Variants in EPB41L2 observed in about 807,000 individuals in gnomAD.
EPB41L2 encodes band 4.1-like protein 2.
A neutral mutation model predicts 113.0 loss-of-function variants in EPB41L2; 43 were observed. The observed-to-expected ratio is 0.38, with a 90% CI of 0.30 to 0.49. EPB41L2 has a LOEUF of 0.49. EPB41L2 is among the 20% of genes least tolerant of loss of function. The pLI is 0.95. For synonymous variants in EPB41L2, 442 were observed against 436.7 expected, an observed-to-expected ratio of 1.01 and a Z score of -0.15; for missense variants, 1,147 against 1,223.4, an observed-to-expected ratio of 0.94 and a Z score of 0.93.
chr6:130,948,309 G>A (rs918411596), intron 3 of EPB41L2, among the ~76,000 whole-genome samples: 7 of 152,084 alleles, frequency 4.6e-5, no homozygotes, highest in African/African-American at 1.2e-4. Context: ...TTCCCTACAG[G>A]TAGTAGATCA....
chr6:130,952,420 C>T (rs549171490), intron 3 of EPB41L2, among the ~76,000 whole-genome samples: 186 of 150,966 alleles, frequency 1.2e-3, no homozygotes, highest in Non-Finnish European at 2.1e-3. Flanking sequence ...CTAGTTTAGT[C>T]AAAGAAATAC....
At chr6:130,944,755 G>A (rs1223471639) in intron 3 of EPB41L2, among the ~76,000 whole-genome samples, 1 of 152,144 alleles carries the variant, frequency 6.6e-6, no homozygotes, top group African/African-American at 2.4e-5. Context: ...GGAAGACTCA[G>A]AAAATCAAGT....
At chr6:131,050,259 A>C (rs1336656537) in intron 1 of EPB41L2, among the ~76,000 whole-genome samples, 2 of 152,100 alleles carry the variant, frequency 1.3e-5, no homozygotes, top group African/African-American at 4.8e-5. Context: ...AAATCGCTTG[A>C]ACCCGGGAGG....
At chr6:130,885,331 T>C (rs1020284713) in intron 11 of EPB41L2, 63 bp from the exon 12 acceptor site, 2 of 1,557,314 alleles carry the variant, frequency 1.3e-6, no homozygotes, top group African/African-American at 2.7e-5. Context: ...TTATGGAAAA[T>C]TTCCCCCTTA....
intron 8 of EPB41L2, among the ~76,000 whole-genome samples, chr6:130,898,681 T>C (rs996508844): frequency 3.3e-5 from 5 of 152,130 alleles, no homozygotes; most frequent in African/African-American, 4.8e-5. Flanking sequence ...TGACTCTCGT[T>C]AGTATACCGA....
At chr6:130,964,492 CA>C (rs34008072) in intron 1 of EPB41L2, among the ~76,000 whole-genome samples, 69 of 144,932 alleles carry the variant, frequency 4.8e-4, no homozygotes, top group Middle Eastern at 3.6e-3. Context: ...TCCTCATAAG[CA>C]AAAAAAAAAA....
intron 1 of EPB41L2, among the ~76,000 whole-genome samples, chr6:130,962,162 C>T (rs1773745338): frequency 1.3e-5 from 2 of 151,864 alleles, no homozygotes; most frequent in African/African-American, 4.8e-5. Flanking sequence ...GGAAAAAAAA[C>T]AAATGTAGAA....
At chr6:131,040,357 T>G (rs1794214261) in intron 1 of EPB41L2, among the ~76,000 whole-genome samples, 2 of 152,144 alleles carry the variant, frequency 1.3e-5, no homozygotes, top group African/African-American at 4.8e-5. Flanking sequence ...GAGAATCGCT[T>G]GAAACCAGAA....
intron 1 of EPB41L2, among the ~76,000 whole-genome samples, chr6:131,018,893 T>C (rs1330132489): frequency 6.6e-6 from 1 of 152,224 alleles, no homozygotes; most frequent in Non-Finnish European, 1.5e-5. Flanking sequence ...AAATCAGGTT[T>C]ACTGGTGTAA....
intron 18 of EPB41L2, among the ~76,000 whole-genome samples, chr6:130,862,355 A>G (rs1368480432): frequency 6.6e-6 from 1 of 152,200 alleles, no homozygotes; most frequent in Admixed American, 6.5e-5. Flanking sequence ...ACTTTCCACC[A>G]TGCCAAAAAA....
At chr6:131,051,716 T>A (rs1299219220) in intron 1 of EPB41L2, among the ~76,000 whole-genome samples, 1 of 152,132 alleles carries the variant, frequency 6.6e-6, no homozygotes, top group Non-Finnish European at 1.5e-5. Flanking sequence ...AGAGCATCCT[T>A]CAAATGGCTT....
intron 1 of EPB41L2, among the ~76,000 whole-genome samples, chr6:131,005,664 TA>T (rs1370898915): frequency 1.3e-5 from 2 of 152,180 alleles, no homozygotes; most frequent in Non-Finnish European, 2.9e-5. Flanking sequence ...CATTCCTACT[TA>T]AAAGGCAAAT....
At chr6:130,864,862 T>TA (rs1348700574) in intron 17 of EPB41L2, among the ~76,000 whole-genome samples, 2 of 152,214 alleles carry the variant, frequency 1.3e-5, no homozygotes, top group East Asian at 3.9e-4. Context: ...TTATCCAAAG[T>TA]AAAAAACAGA....
intron 19 of EPB41L2, among the ~76,000 whole-genome samples, chr6:130,849,261 T>G (rs1395961505): frequency 6.6e-6 from 1 of 152,240 alleles, no homozygotes; most frequent in East Asian, 1.9e-4. Context: ...CTAAAATTGC[T>G]GACTATCTTC....
chr6:131,047,169 A>C (rs191218334), intron 1 of EPB41L2, among the ~76,000 whole-genome samples: 39 of 152,192 alleles, frequency 2.6e-4, no homozygotes, highest in African/African-American at 9.2e-4. Flanking sequence ...TAAATAAATA[A>C]ATGTAAAAGT....
At chr6:130,869,395 G>A (rs961627203) in intron 15 of EPB41L2, among the ~76,000 whole-genome samples, 168 bp downstream of exon 15, 32 of 152,054 alleles carry the variant, frequency 2.1e-4, no homozygotes, top group African/African-American at 6.5e-4. Flanking sequence ...TGAACTGGGC[G>A]GGCAGAAAAT....
intron 19 of EPB41L2, among the ~76,000 whole-genome samples, chr6:130,842,851 G>T (rs1028647589): frequency 2.6e-5 from 4 of 152,098 alleles, no homozygotes; most frequent in African/African-American, 9.7e-5. Context: ...AACTCAAAAT[G>T]TAATTTATTT....
chr6:130,920,078 AT>A (rs760470292), intron 4 of EPB41L2, among the ~76,000 whole-genome samples: 131 of 152,204 alleles, frequency 8.6e-4, no homozygotes, highest in Non-Finnish European at 1.7e-3. Flanking sequence ...GACTTTCATC[AT>A]CATAGTCACT....
intron 3 of EPB41L2, among the ~76,000 whole-genome samples, chr6:130,945,256 AAAC>A (rs1364007733): frequency 7.2e-5 from 11 of 152,194 alleles, no homozygotes; most frequent in Admixed American, 1.3e-4. Context: ...GGGTGAAAAG[AAAC>A]AACAATAAAC....
Sources: gnomAD v4.1 joint callset for allele counts (sites outside exome capture counted in the v4.1 genomes callset) on GRCh38, gnomAD v4.1.1 for gene constraint, MANE v1.5 for transcripts, NCBI Gene and HGNC (gene_info 2026-07-23, HGNC 2026-07-21) for gene names.